The following STPG2 variants were observed in gnomAD, a reference collection of about 807,000 sequenced individuals.
STPG2 encodes sperm-tail PG-rich repeat-containing protein 2.
In STPG2, 56 loss-of-function variants were observed where a neutral mutation model predicts 54.2. The ratio of observed to expected loss-of-function variants is 1.03; its 90% CI spans 0.83 to 1.29. STPG2 has a LOEUF of 1.29. Ranked by LOEUF, STPG2 falls within the 50% of genes most tolerant of loss-of-function variation. The pLI is 0.00. For synonymous variants in STPG2, 200 were observed against 181.8 expected (o/e 1.10, Z -0.81); for missense variants, 596 against 544.9 (o/e 1.09, Z -0.93).
intron 8 of STPG2, among the ~76,000 whole-genome samples, chr4:97,857,215 A>G (rs1729365953): frequency 6.6e-6 from 1 of 152,146 alleles, no homozygotes; most frequent in African/African-American, 2.4e-5. Context: ...ACTTTTTGTA[A>G]TGGTTTCCAT....
At chr4:98,052,141 T>G (rs1192972529) in intron 5 of STPG2, among the ~76,000 whole-genome samples, 1 of 151,400 alleles carries the variant, frequency 6.6e-6, no homozygotes, top group Admixed American at 6.6e-5. Context: ...ACCTATTATC[T>G]CCCAAAAATT....
chr4:98,124,650 T>C (rs547134824), intron 3 of STPG2, among the ~76,000 whole-genome samples: 1 of 152,300 alleles, frequency 6.6e-6, no homozygotes, highest in South Asian at 2.1e-4. Context: ...CTGATGATTA[T>C]GTGTCTTTGG....
intron 5 of STPG2, among the ~76,000 whole-genome samples, chr4:98,041,535 T>C (rs1339812668): frequency 1.3e-5 from 2 of 152,052 alleles, no homozygotes; most frequent in Non-Finnish European, 2.9e-5. Flanking sequence ...AGGGTTCTTA[T>C]CATGAAGTGA....
At chr4:97,955,430 T>C (rs1733640047) in intron 7 of STPG2, among the ~76,000 whole-genome samples, 1 of 152,016 alleles carries the variant, frequency 6.6e-6, no homozygotes, top group Non-Finnish European at 1.5e-5. Context: ...TTAGCCAAAA[T>C]GGTCTCGATC....
intron 9 of STPG2, among the ~76,000 whole-genome samples, chr4:97,791,429 C>G (rs1354140852): frequency 6.6e-6 from 1 of 151,970 alleles, no homozygotes; most frequent in Non-Finnish European, 1.5e-5. Flanking sequence ...ACTGATGTTA[C>G]AATTTTTTGT....
intron 8 of STPG2, among the ~76,000 whole-genome samples, chr4:97,933,668 G>A (rs1732635406): frequency 1.3e-5 from 2 of 152,222 alleles, no homozygotes; most frequent in East Asian, 3.9e-4. Context: ...AAGATCAGAT[G>A]GTTGTAGATA....
At chr4:98,071,086 C>A (rs1578830631) in intron 5 of STPG2, among the ~76,000 whole-genome samples, 1 of 151,032 alleles carries the variant, frequency 6.6e-6, no homozygotes, top group African/African-American at 2.4e-5. Flanking sequence ...CATATGGAAC[C>A]AAAAAAAAGC....
intron 5 of STPG2, among the ~76,000 whole-genome samples, chr4:98,003,962 G>T (rs1735494701): frequency 6.6e-6 from 1 of 151,992 alleles, no homozygotes; most frequent in Non-Finnish European, 1.5e-5. Flanking sequence ...TAATAATCAA[G>T]CTAATTAACA....
intron 9 of STPG2, among the ~76,000 whole-genome samples, chr4:97,728,438 C>T (rs1378599189): frequency 3.9e-5 from 6 of 152,082 alleles, no homozygotes; most frequent in East Asian, 1.9e-4. Flanking sequence ...AAAAATATGA[C>T]GTAACTCGGT....
At chr4:97,873,986 C>T (rs894763160) in intron 8 of STPG2, among the ~76,000 whole-genome samples, 1 of 151,048 alleles carries the variant, frequency 6.6e-6, no homozygotes, top group South Asian at 2.1e-4. Context: ...TATTTTTTCT[C>T]TAATTATGTA....
At chr4:98,042,399 T>C (rs1736990255) in intron 5 of STPG2, among the ~76,000 whole-genome samples, 1 of 151,734 alleles carries the variant, frequency 6.6e-6, no homozygotes, top group Non-Finnish European at 1.5e-5. Context: ...TTCTCTAGAC[T>C]CATAAGGTGT....
chr4:98,009,143 A>T (rs1735662055), intron 5 of STPG2, among the ~76,000 whole-genome samples: 1 of 150,688 alleles, frequency 6.6e-6, no homozygotes, highest in Non-Finnish European at 1.5e-5. Context: ...TTCTGTTCTG[A>T]TCTTTACTTT....
intron 8 of STPG2, among the ~76,000 whole-genome samples, chr4:97,934,949 A>G (rs1328088123): frequency 1.3e-5 from 2 of 152,120 alleles, no homozygotes; most frequent in Non-Finnish European, 2.9e-5. Context: ...TCCTCTTTGT[A>G]CCTCTAGTAG....
At chr4:97,642,366 T>C (rs1297124411) in intron 10 of STPG2, among the ~76,000 whole-genome samples, 1 of 151,366 alleles carries the variant, frequency 6.6e-6, no homozygotes, top group African/African-American at 2.4e-5. Flanking sequence ...TATTCTGTGA[T>C]AAACATTGAC....
At chr4:97,690,126 T>G (rs1035093214) in intron 10 of STPG2, among the ~76,000 whole-genome samples, 1 of 152,182 alleles carries the variant, frequency 6.6e-6, no homozygotes, top group African/African-American at 2.4e-5. Flanking sequence ...TTCCAATAAT[T>G]AAAGATACAA....
chr4:98,049,491 T>C (rs1737245890), intron 5 of STPG2, among the ~76,000 whole-genome samples: 1 of 152,256 alleles, frequency 6.6e-6, no homozygotes, highest in East Asian at 1.9e-4. Context: ...AAACAGAACA[T>C]ATTGAGCAGC....
intron 8 of STPG2, among the ~76,000 whole-genome samples, chr4:97,859,154 A>C (rs1729425874): frequency 6.6e-6 from 1 of 151,994 alleles, no homozygotes; most frequent in Non-Finnish European, 1.5e-5. Context: ...AGCAATGTTG[A>C]TCTTTTTTTT....
At chr4:97,853,589 C>A (rs1246679741) in intron 8 of STPG2, among the ~76,000 whole-genome samples, 5 of 152,136 alleles carry the variant, frequency 3.3e-5, no homozygotes, top group African/African-American at 7.2e-5. Context: ...GGCACTATTA[C>A]TATTTCTCAG....
At chr4:97,769,304 AGTGTTCC>A (rs1232439739) in intron 9 of STPG2, among the ~76,000 whole-genome samples, 1 of 152,136 alleles carries the variant, frequency 6.6e-6, no homozygotes, top group Non-Finnish European at 1.5e-5. Flanking sequence ...AGTACATATA[AGTGTTCC>A]AGTTGCTGCA....
Sources: gnomAD v4.1 joint callset for allele counts (sites outside exome capture counted in the v4.1 genomes callset) on GRCh38, gnomAD v4.1.1 for gene constraint, MANE v1.5 for transcripts, NCBI Gene and HGNC (gene_info 2026-07-23, HGNC 2026-07-21) for gene names.